Variants in CCDC62 observed in about 807,000 individuals in gnomAD.
CCDC62 encodes the protein coiled-coil domain-containing protein 62.
In CCDC62, 72 loss-of-function variants were observed where a neutral mutation model predicts 80.8. The observed-to-expected ratio is 0.89, with a 90% CI of 0.74 to 1.08. CCDC62 has a LOEUF of 1.08. Among genes scored for constraint, CCDC62 ranks in the 50% least tolerant of loss-of-function variants. The probability of loss-of-function intolerance (pLI) is 0.00; values close to 1 mark genes in which losing one functional copy is unlikely to be tolerated. For synonymous variants in CCDC62, 286 were observed against 296.5 expected (o/e 0.96, Z 0.36); for missense variants, 704 against 809.4 (o/e 0.87, Z 1.58).
At chr12:122,823,139 T>C (rs2032480946) in intron 11 of CCDC62, among the ~76,000 whole-genome samples, 1 of 152,208 alleles carries the variant, frequency 6.6e-6, no homozygotes, top group Non-Finnish European at 1.5e-5. Context: ...TTTTGTATTT[T>C]TGGTAGAGAT....
At position 122,788,964 on chromosome 12, in the gene CCDC62, A is replaced by G. The variant is rs534943853; in HGVS notation, c.670+35A>G. The G allele has an allele frequency of 8.7e-6, 13 of 1,495,714 alleles. No individual in the cohort carries two copies. In the Admixed American group the frequency reaches 1.8e-4, roughly 21 times the overall value. 92.7% of individuals were successfully genotyped at this position (1,495,714 alleles called of 1,614,324 possible). A position where few individuals can be genotyped will look rare whatever the true frequency, so the allele number is the denominator to read the frequency against. The stretch of plus-strand genomic sequence containing the variant: ...AGACCTACATTTAAGATACAAATGT[A>G]TTATCTTGGGAATATAGTTTTTCAT... On this transcript the variant is annotated intron_variant, in intron 5 of 12. Transcript: ENST00000253079.
Position 122,826,473 on chromosome 12 carries a change from C to G in CCDC62, c.*92C>G, listed in dbSNP as rs762353441. 1 of 777,066 alleles carries G rather than the reference C, an allele frequency of 1.3e-6. No homozygotes were observed. Among genetic ancestry groups the G allele is most frequent in the South Asian group, 1.4e-5 (1 of 73,698 alleles). The allele number at this position is 777,066 out of a possible 1,614,324, so 48.1% of individuals were successfully genotyped here. ...AGCAGACACCAATACTGAATGAATA[C>G]TTAACCGTAAAACTGAAAGAGGATT... On this transcript the variant is annotated 3_prime_UTR_variant, in exon 13 of 13. Transcript: ENST00000253079.
chr12:122,801,746 T>G lies in CCDC62; in HGVS notation c.1600T>G (p.Trp534Gly), dbSNP rs769167318. The G allele has an allele frequency of 6.2e-7, 1 of 1,613,204 alleles. No homozygotes were observed. The highest frequency in any genetic ancestry group is 1.3e-5 in the African/African-American group (1 of 74,610). ...EAPGHMSDVE[W>G]MSIFKPSKMQ... The stretch of plus-strand genomic sequence containing the variant: ...CCCAGGCCACATGTCTGACGTGGAG[T>G]GGATGAGTATTTTCAAGCCTTCCAA... Residue 534 changes from tryptophan (W) to glycine (G), a missense_variant, in exon 9 of 13, where the codon TGG (tryptophan) becomes GGG (glycine). Coordinates refer to ENST00000253079, the MANE Select transcript of CCDC62 (RefSeq NM_201435.5).
At chr12:122,784,189 C>T (rs1253724032) in intron 3 of CCDC62, among the ~76,000 whole-genome samples, 1 of 152,140 alleles carries the variant, frequency 6.6e-6, no homozygotes, top group African/African-American at 2.4e-5. Context: ...TAGTAACACA[C>T]ATTTAAATTT....
At chr12:122,825,342 ATTTTTTTT>A (rs749990077) in intron 12 of CCDC62, among the ~76,000 whole-genome samples, 3 of 89,790 alleles carry the variant, frequency 3.3e-5, no homozygotes, top group Non-Finnish European at 6.3e-5. Context: ...CACCTGGCTA[ATTTTTTTT>A]TTTTTTTTTT....
At chr12:122,824,519 T>G (rs191061121) in intron 12 of CCDC62, among the ~76,000 whole-genome samples, 68 of 152,230 alleles carry the variant, frequency 4.5e-4, no homozygotes, top group African/African-American at 1.4e-3. Context: ...ATAATAGATG[T>G]TGGCATGGAT....
At chr12:122,812,889 C>T (rs1234980457) in intron 10 of CCDC62, among the ~76,000 whole-genome samples, 1 of 151,504 alleles carries the variant, frequency 6.6e-6, no homozygotes, top group Non-Finnish European at 1.5e-5. Context: ...CTTTGTAACA[C>T]CTAAAGACAA....
intron 5 of CCDC62, among the ~76,000 whole-genome samples, chr12:122,789,283 A>T (rs114032551): frequency 0.012 from 1,846 of 152,164 alleles, 39 homozygotes; most frequent in African/African-American, 0.042. Context: ...CAAATGGGGG[A>T]GTTGGCTGAC....
chr12:122,805,187 CTTTTTTTTTT>C (rs35231650), intron 9 of CCDC62, among the ~76,000 whole-genome samples: 1 of 64,484 alleles, frequency 1.6e-5, no homozygotes, highest in African/African-American at 5.9e-5. Flanking sequence ...AACTGGCCGG[CTTTTTTTTTT>C]TTTTTTTTTT....
Position 122,785,869 on chromosome 12 carries a change from T to C in CCDC62, c.498+49T>C, listed in dbSNP as rs757977248. 6 of 1,215,566 alleles carry C rather than the reference T, an allele frequency of 4.9e-6. No individual in the cohort carries two copies. In the South Asian group the frequency reaches 6.0e-5, roughly 12 times the overall value. The allele number at this position is 1,215,566 out of a possible 1,614,324, so 75.3% of individuals were successfully genotyped here. A position where few individuals can be genotyped will look rare whatever the true frequency, so the allele number is the denominator to read the frequency against. ...CATTTGCCAGAGTGCTTGGTAGTTA[T>C]ATCCATATTCATTATCTTACCTAAG... On this transcript the variant is annotated intron_variant, in intron 4 of 12. Transcript: ENST00000253079.
At chr12:122,805,343 C>CTTTT (rs56167273) in intron 9 of CCDC62, among the ~76,000 whole-genome samples, 1 of 105,132 alleles carries the variant, frequency 9.5e-6, no homozygotes, top group African/African-American at 3.3e-5. Context: ...TGTCTTAATT[C>CTTTT]TTTTTTTTTT....
At chr12:122,792,505 T>G (rs2030690924) in intron 6 of CCDC62, among the ~76,000 whole-genome samples, 1 of 151,750 alleles carries the variant, frequency 6.6e-6, no homozygotes, top group Non-Finnish European at 1.5e-5. Context: ...ATTGCAGGCG[T>G]GAGCCCGGCT....
chr12:122,778,974 A>G lies in CCDC62; in HGVS notation c.229+1291A>G, dbSNP rs572628920. 7.9e-5 allele frequency among the ~76,000 whole-genome samples: 12 copies of G among 152,342 alleles called. No homozygotes were observed. The East Asian group carries it at 2.3e-3, about 29-fold the overall frequency. On this transcript the variant is annotated intron_variant, in intron 2 of 12. Coordinates refer to ENST00000253079, the MANE Select transcript of CCDC62 (RefSeq NM_201435.5). Reference sequence around the variant, plus strand: ...ACTCTGACCACACCCACACACGTATATACACACAGTGTTTAAAATGGTTGC... The same window carrying G: ...ACTCTGACCACACCCACACACGTATGTACACACAGTGTTTAAAATGGTTGC...
chr12:122,825,587 C>T (rs1481995552), intron 12 of CCDC62, among the ~76,000 whole-genome samples: 2 of 143,750 alleles, frequency 1.4e-5, no homozygotes, highest in African/African-American at 5.1e-5. Flanking sequence ...AACTCCTGAG[C>T]TTAAGTGATC....
intron 1 of CCDC62, chr12:122,777,180 T>A (rs1879515564): frequency 8.5e-6 from 2 of 234,948 alleles, no homozygotes; most frequent in Non-Finnish European, 1.7e-5. Flanking sequence ...GAGAAAAGGG[T>A]TGTTGGCAAA....
At chr12:122,819,186 T>TC (rs1238531882) in intron 11 of CCDC62, among the ~76,000 whole-genome samples, 1 of 151,946 alleles carries the variant, frequency 6.6e-6, no homozygotes. Flanking sequence ...TACAAACTCC[T>TC]CCCCCCATGC....
chr12:122,796,484 G>A (rs1451179942), intron 6 of CCDC62, among the ~76,000 whole-genome samples: 1 of 152,128 alleles, frequency 6.6e-6, no homozygotes, highest in African/African-American at 2.4e-5. Context: ...ACCCTGCTTG[G>A]ATGCTGTTAA....
At chr12:122,806,404 G>GTTTTT in intron 10 of CCDC62, 109 bp downstream of exon 10, 4 of 438,128 alleles carry the variant, frequency 9.1e-6, no homozygotes, top group African/African-American at 2.3e-5. Flanking sequence ...CTATTCCTCC[G>GTTTTT]TTTTTTTTTT....
Position 122,797,843 on chromosome 12 carries a change from A to G in CCDC62, c.862-242A>G, listed in dbSNP as rs116207617. On this transcript the variant is annotated intron_variant, in intron 7 of 12. Coordinates refer to ENST00000253079, the MANE Select transcript of CCDC62 (RefSeq NM_201435.5). ...GCGTGAACCAGCGCACCCAGCCTGT[A>G]TATCATGTTTAGTATAGCAAATAGG... Among the ~76,000 whole-genome samples the G allele has an allele frequency of 7.8e-3, 1,194 of 152,188 alleles. 12 individuals carry two copies. Among genetic ancestry groups the G allele is most frequent in the African/African-American group, 0.027 (1,120 of 41,546 alleles).
Sources: allele counts gnomAD v4.1 joint callset (sites outside exome capture counted in the v4.1 genomes callset), GRCh38; gene constraint gnomAD v4.1.1; transcripts MANE v1.5; gene names NCBI Gene and HGNC (gene_info 2026-07-23, HGNC 2026-07-21).